The following CDH4 variants were observed in gnomAD, a reference collection of about 807,000 sequenced individuals.
CDH4 encodes the protein cadherin-4.
CDH4 carries 33 observed loss-of-function variants against 86.0 expected under a neutral mutation model. That is an observed-to-expected ratio of 0.38 (90% CI 0.29 to 0.51). The LOEUF is 0.51. Ranked by LOEUF, CDH4 falls within the 20% of genes least tolerant of loss-of-function variation. The pLI is 0.86. For synonymous variants in CDH4, 555 were observed against 549.4 expected (o/e 1.01, Z -0.14); for missense variants, 1,114 against 1,307.4 (o/e 0.85, Z 2.28).
intron 2 of CDH4, among the ~76,000 whole-genome samples, chr20:61,653,593 T>C (rs564800423): frequency 7.5e-5 from 10 of 133,976 alleles, no homozygotes; most frequent in Admixed American, 2.3e-4. Context: ...CCGGACGGGG[T>C]GGCTGCCGGG....
At chr20:61,630,804 G>C (rs111512500) in intron 2 of CDH4, among the ~76,000 whole-genome samples, 1 of 152,200 alleles carries the variant, frequency 6.6e-6, no homozygotes, top group African/African-American at 2.4e-5. Context: ...TAGAAAACAG[G>C]GTTCAGTTAT....
chr20:61,920,004 GTCA>G lies in CDH4; in HGVS notation c.1375-3446_1375-3444del, dbSNP rs2054952801. On this transcript the variant is annotated intron_variant, in intron 9 of 15. Transcript: ENST00000614565. ...CGCGGTGATTGCATGGAAGTGTGGT[GTCA>G]CAGTGATTGCGTGGAAGCGTGTCGT... Among the ~76,000 whole-genome samples the G allele has an allele frequency of 4.3e-4, 7 of 16,362 alleles. No homozygotes were observed. In the East Asian group the frequency reaches 0.013, roughly 30 times the overall value. 10.7% of individuals were successfully genotyped at this position (16,362 alleles called of 152,430 possible). A position where few individuals can be genotyped will look rare whatever the true frequency, so the allele number is the denominator to read the frequency against.
chr20:61,668,054 T>C (rs150226042), intron 2 of CDH4, among the ~76,000 whole-genome samples: 2 of 152,358 alleles, frequency 1.3e-5, no homozygotes, highest in African/African-American at 4.8e-5. Flanking sequence ...AGTGCTTCTA[T>C]ATTGAAAAGA....
At position 61,565,242 on chromosome 20, in the gene CDH4, GCGGTGCTCTT is replaced by G. The variant is rs1568688657; in HGVS notation, c.170-178320_170-178311del. Among the ~76,000 whole-genome samples, 8 of 68,242 alleles carry G rather than the reference GCGGTGCTCTT, an allele frequency of 1.2e-4. 2 individuals carry two copies. The highest frequency in any genetic ancestry group is 7.2e-4 in the East Asian group (2 of 2,778). The allele number at this position is 68,242 out of a possible 152,430, so 44.8% of individuals were successfully genotyped here. ...GTGGTAGGTGGTGGTGGTGGTGGTGGCGGTGCTCTTGGTGATGGTGGTGGTGGTCCTCTTG... is the reference window on the plus strand; with the variant it reads ...GTGGTAGGTGGTGGTGGTGGTGGTGGGGTGATGGTGGTGGTGGTCCTCTTG... On this transcript the variant is annotated intron_variant, in intron 2 of 15. Transcript: ENST00000614565.
chr20:61,566,825 G>A (rs891560064), intron 2 of CDH4, among the ~76,000 whole-genome samples: 2 of 152,174 alleles, frequency 1.3e-5, no homozygotes, highest in African/African-American at 2.4e-5. Context: ...GTCACTCTCC[G>A]GGCTGCGCCT....
intron 6 of CDH4, among the ~76,000 whole-genome samples, chr20:61,853,230 G>A (rs1255427827): frequency 6.6e-6 from 1 of 152,280 alleles, no homozygotes; most frequent in Admixed American, 6.5e-5. Flanking sequence ...GGGAGCTGAA[G>A]CCTGAGGTGG....
At chr20:61,443,348 G>A (rs1352278680) in intron 2 of CDH4, among the ~76,000 whole-genome samples, 1 of 152,194 alleles carries the variant, frequency 6.6e-6, no homozygotes, top group Non-Finnish European at 1.5e-5. Context: ...ATCATCTGCT[G>A]TTTGGTGTTA....
chr20:61,575,283 A>G (rs2086374260), intron 2 of CDH4, among the ~76,000 whole-genome samples: 1 of 152,162 alleles, frequency 6.6e-6, no homozygotes, highest in African/African-American at 2.4e-5. Context: ...GTGTGTTCCC[A>G]AGTTTAAGTT....
At chr20:61,883,500 G>C (rs767849728) in intron 7 of CDH4, among the ~76,000 whole-genome samples, 8 of 151,984 alleles carry the variant, frequency 5.3e-5, no homozygotes, top group Non-Finnish European at 5.9e-5. Context: ...CCACAGCAGA[G>C]AACGACCCAG....
At position 61,618,040 on chromosome 20, in the gene CDH4, T is replaced by G. The variant is rs149232583; in HGVS notation, c.170-125523T>G. On this transcript the variant is annotated intron_variant, in intron 2 of 15. Transcript: ENST00000614565. ...TGTGCCTTTCACCTTCTGCCACGAT[T>G]GCGAGGCCTCCCCAGCCATGTGGAA... Among the ~76,000 whole-genome samples the G allele has an allele frequency of 2.7e-3, 412 of 152,288 alleles. 3 individuals are homozygous for G. Among genetic ancestry groups the G allele is most frequent in the African/African-American group, 6.5e-3 (272 of 41,582 alleles).
intron 5 of CDH4, among the ~76,000 whole-genome samples, chr20:61,845,304 G>A (rs899193203): frequency 3.9e-5 from 6 of 152,352 alleles, no homozygotes; most frequent in East Asian, 1.9e-4. Flanking sequence ...TTCCTCCGAC[G>A]TCTCTCGCGG....
intron 8 of CDH4, among the ~76,000 whole-genome samples, chr20:61,895,745 C>T (rs1310578368): frequency 6.6e-6 from 1 of 152,228 alleles, no homozygotes; most frequent in East Asian, 1.9e-4. Context: ...TTCCCTGCTG[C>T]CCAGCGATCT....
chr20:61,844,745 G>A lies in CDH4; in HGVS notation c.654G>A (p.Glu218=). The A allele has an allele frequency of 1.2e-6, 2 of 1,614,100 alleles. No individual in the cohort carries two copies. Among genetic ancestry groups the A allele is most frequent in the Non-Finnish European group, 1.7e-6 (2 of 1,179,972 alleles). ...TGGGCGCCGACCAGCCCCCCATGGA[G>A]GTCTTCAGCATTGACTCCATGTCCG... The part of the protein sequence containing the change: ...TGVGADQPPM[E]VFSIDSMSGR... Residue 218 remains glutamate, a synonymous_variant, in exon 5 of 16, where the codon GAG becomes GAA. Coordinates refer to ENST00000614565, the MANE Select transcript of CDH4 (RefSeq NM_001794.5).
In CDH4 at chr20:61,878,684, T is replaced by C. The variant is rs184506603; in HGVS notation, c.1050+4784T>C. ...AGCAGTTTATGGCATAGTCTCAAAG[T>C]CGTAGGTGACCTCTGAATTTGTGAC... On this transcript the variant is annotated intron_variant, in intron 7 of 15. Coordinates refer to ENST00000614565, the MANE Select transcript of CDH4 (RefSeq NM_001794.5). Among the ~76,000 whole-genome samples the C allele has an allele frequency of 2.7e-3, 411 of 152,292 alleles. 1 individual carries two copies. The highest frequency in any genetic ancestry group is 9.3e-3 in the African/African-American group (386 of 41,548).
At chr20:61,284,046 C>T (rs2084279698) in intron 2 of CDH4, among the ~76,000 whole-genome samples, 1 of 152,054 alleles carries the variant, frequency 6.6e-6, no homozygotes, top group African/African-American at 2.4e-5. Context: ...GTGGCTCACA[C>T]CTGTAATCCC....
intron 2 of CDH4, among the ~76,000 whole-genome samples, chr20:61,308,037 G>A (rs73319130): frequency 0.015 from 2,280 of 152,274 alleles, 65 homozygotes; most frequent in African/African-American, 0.05. Context: ...TCTGAAACAC[G>A]GCTCTCCCTG....
At chr20:61,796,453 C>T (rs1979542276) in intron 4 of CDH4, among the ~76,000 whole-genome samples, 1 of 152,212 alleles carries the variant, frequency 6.6e-6, no homozygotes, top group Non-Finnish European at 1.5e-5. Flanking sequence ...GTCCTACAGC[C>T]TCACTGGGCC....
At chr20:61,735,480 G>A (rs2088251164) in intron 2 of CDH4, among the ~76,000 whole-genome samples, 1 of 152,130 alleles carries the variant, frequency 6.6e-6, no homozygotes, top group African/African-American at 2.4e-5. Context: ...GGTGCCTGCA[G>A]GGACCACAGC....
intron 5 of CDH4, 32 bp downstream of exon 5, chr20:61,844,855 C>A: frequency 6.3e-7 from 1 of 1,584,996 alleles, no homozygotes. Context: ...AGAATGGGGC[C>A]CTGGGGTGGC....
Sources: gnomAD v4.1 joint callset for allele counts (sites outside exome capture counted in the v4.1 genomes callset) on GRCh38, gnomAD v4.1.1 for gene constraint, MANE v1.5 for transcripts, NCBI Gene and HGNC (gene_info 2026-07-23, HGNC 2026-07-21) for gene names.